Variants in LAMP1 observed in about 807,000 individuals in gnomAD.
LAMP1 encodes lysosome-associated membrane glycoprotein 1.
Under a neutral mutation model 37.5 loss-of-function variants are expected in LAMP1, and 7 were observed. The observed-to-expected ratio is 0.19, with a 90% CI of 0.11 to 0.35. The LOEUF is 0.35. Among genes scored for constraint, LAMP1 ranks in the 10% least tolerant of loss-of-function variants. The pLI, the probability that LAMP1 is intolerant of heterozygous loss-of-function variation, is 1.00. For missense variants in LAMP1, 537 were observed against 552.8 expected (o/e 0.97, Z 0.29); for synonymous variants, 236 against 229.1 (o/e 1.03, Z -0.27).
chr13:113,310,984 C>A, intron 4 of LAMP1, 117 bp downstream of exon 4: 1 of 819,720 alleles, frequency 1.2e-6, no homozygotes, highest in Non-Finnish European at 1.9e-6. Context: ...AACGCGTGTG[C>A]ACACAGCCGG....
At chr13:113,306,194 A>C (rs549129509) in intron 1 of LAMP1, 1 of 235,818 alleles carries the variant, frequency 4.2e-6, no homozygotes, top group African/African-American at 2.3e-5. Flanking sequence ...CCCCGTCGCT[A>C]CTAAAAACAG....
At chr13:113,299,184 A>G (rs1332146386) in intron 1 of LAMP1, among the ~76,000 whole-genome samples, 4 of 152,204 alleles carry the variant, frequency 2.6e-5, no homozygotes, top group Non-Finnish European at 4.4e-5. Context: ...GAAAAAATCC[A>G]TAACTCCCTA....
Position 113,321,642 on chromosome 13 carries a change from C to T in LAMP1, c.1029C>T (p.His343=), listed in dbSNP as rs766211164. 5.6e-6 allele frequency: 9 copies of T among 1,614,212 alleles called. No homozygotes were observed. Among genetic ancestry groups the T allele is most frequent in the South Asian group, 2.2e-5 (2 of 91,084 alleles). ...GNSYKCNAEE[H]VRVTKAFSVN... Reference sequence around the variant, plus strand: ...CCTACAAGTGCAACGCGGAGGAGCACGTCCGTGTCACGAAGGCGTTTTCAG... The same window carrying T: ...CCTACAAGTGCAACGCGGAGGAGCATGTCCGTGTCACGAAGGCGTTTTCAG... The change falls in exon 8 of 9, where the codon CAC becomes CAT. Residue 343 remains histidine (H), a synonymous_variant. Transcript: ENST00000332556. The surrounding 1 kb of genome is among the most constrained non-coding windows in gnomAD (Gnocchi z 5.6).
At position 113,313,088 on chromosome 13, in the gene LAMP1, A is replaced by ACGGT. The variant is rs547940857; in HGVS notation, c.562+2222_562+2225dup. On this transcript the variant is annotated intron_variant, in intron 4 of 8. Transcript: ENST00000332556. ...GACTCCCTACTGGCTAGGCCTGGAC[A>ACGGT]CGGTTGCAGAACGTGTCTCCTCCCC... 2.6e-5 allele frequency among the ~76,000 whole-genome samples: 4 copies of ACGGT among 152,250 alleles called. No individual in the cohort carries two copies. In the East Asian group the frequency reaches 7.7e-4, roughly 29 times the overall value.
chr13:113,314,317 C>G (rs2042648447), intron 4 of LAMP1, among the ~76,000 whole-genome samples: 1 of 126,784 alleles, frequency 7.9e-6, no homozygotes, highest in Non-Finnish European at 1.6e-5. Flanking sequence ...GCGTGGCCTC[C>G]TGGAGGGAGC....
chr13:113,322,364 CCT>C lies in LAMP1; in HGVS notation c.1199_1200del (p.Leu400HisfsTer59). On this transcript the variant is annotated frameshift_variant, in exon 9 of 9. Transcript: ENST00000332556. LOFTEE classifies it high-confidence loss of function. ...CCCTGGCGGGGCTGGTCCTCATCGTCCTCATCGCCTACCTCGTCGGCAGGAAG... is the reference window on the plus strand; with the variant it reads ...CCCTGGCGGGGCTGGTCCTCATCGTCCATCGCCTACCTCGTCGGCAGGAAG... The part of the protein sequence containing the change: ...GALAGLVLIV[L>X]IAYLVGRKRS... 6.2e-7 allele frequency: 1 copy of C among 1,613,784 alleles called. No individual in the cohort carries two copies. The highest frequency in any genetic ancestry group is 8.5e-7 in the Non-Finnish European group (1 of 1,179,880).
chr13:113,306,784 T>C (rs1438256293), intron 2 of LAMP1, among the ~76,000 whole-genome samples, 178 bp downstream of exon 2: 2 of 148,220 alleles, frequency 1.3e-5, no homozygotes, highest in African/African-American at 4.9e-5. Context: ...ACAGGCACAG[T>C]AACAAACCTG....
chr13:113,322,367 C>CA lies in LAMP1; in HGVS notation c.1201dup (p.Ile401AsnfsTer59). 6.2e-7 allele frequency: 1 copy of CA among 1,613,804 alleles called. No homozygotes were observed. The highest frequency in any genetic ancestry group is 8.5e-7 in the Non-Finnish European group (1 of 1,179,866). ...TGGCGGGGCTGGTCCTCATCGTCCT[C>CA]ATCGCCTACCTCGTCGGCAGGAAGA... is the stretch of plus-strand genomic sequence containing the variant. On this transcript the variant is annotated frameshift_variant, in exon 9 of 9. Coordinates refer to ENST00000332556, the MANE Select transcript of LAMP1 (RefSeq NM_005561.4). LOFTEE classifies it high-confidence loss of function.
At chr13:113,312,084 G>C (rs1304010708) in intron 4 of LAMP1, among the ~76,000 whole-genome samples, 3 of 152,176 alleles carry the variant, frequency 2.0e-5, no homozygotes, top group African/African-American at 7.2e-5. Context: ...ACATTCCTCA[G>C]CAGTCTTGCT....
chr13:113,297,378 C>A lies in LAMP1; in HGVS notation c.-57C>A. 2.5e-6 allele frequency: 1 copy of A among 402,648 alleles called. No homozygotes were observed. The highest frequency in any genetic ancestry group is 3.8e-6 in the Non-Finnish European group (1 of 264,282). 24.9% of individuals were successfully genotyped at this position (402,648 alleles called of 1,614,324 possible). A position where few individuals can be genotyped will look rare whatever the true frequency, so the allele number is the denominator to read the frequency against. The stretch of plus-strand genomic sequence containing the variant: ...CGCCACCGCAGCGCCCGGCAGTCCG[C>A]GGCCCAACCGCCGCCCGCGCCCCCG... On this transcript the variant is annotated 5_prime_UTR_variant, in exon 1 of 9. Coordinates refer to ENST00000332556, the MANE Select transcript of LAMP1 (RefSeq NM_005561.4). This position sits in a 1 kb window ranked among gnomAD's most constrained non-coding sequence, Gnocchi z 4.4.
At position 113,297,293 on chromosome 13, in the gene LAMP1, C is replaced by T. The variant is rs186336451; in HGVS notation, c.-142C>T. The stretch of plus-strand genomic sequence containing the variant: ...TTCTTCGTGCCGGCGTCGCAGTGGC[C>T]GGGCCTCTTGCGTCTGGTAACGCCG... On this transcript the variant is annotated 5_prime_UTR_variant, in exon 1 of 9. Transcript: ENST00000332556. The surrounding 1 kb of genome is among the most constrained non-coding windows in gnomAD (Gnocchi z 4.4). 58 of 176,116 alleles carry T rather than the reference C, an allele frequency of 3.3e-4. No individual in the cohort carries two copies. The East Asian group carries it at 9.6e-3, about 29-fold the overall frequency. 10.9% of individuals were successfully genotyped at this position (176,116 alleles called of 1,614,324 possible).
chr13:113,306,607 G>A lies in LAMP1; in HGVS notation c.183+1G>A, dbSNP rs1229131565. ...CTACGACACCAAGAGTGGCCCTAAGGTAGGAAACACCAGGGCACTTCATGC... is the reference window on the plus strand; with the variant it reads ...CTACGACACCAAGAGTGGCCCTAAGATAGGAAACACCAGGGCACTTCATGC... On this transcript the variant is annotated splice_donor_variant, in intron 2 of 8. Transcript: ENST00000332556. LOFTEE classifies it high-confidence loss of function. The A allele has an allele frequency of 1.9e-6, 3 of 1,612,868 alleles. No individual in the cohort carries two copies. In the African/African-American group the frequency reaches 4.0e-5, roughly 22 times the overall value.
intron 1 of LAMP1, among the ~76,000 whole-genome samples, chr13:113,302,382 G>A (rs1416154188): frequency 3.3e-5 from 5 of 150,676 alleles, no homozygotes; most frequent in Non-Finnish European, 7.4e-5. Flanking sequence ...TAGAGACGGG[G>A]TTTCACCATG....
intron 1 of LAMP1, 69 bp from the exon 2 acceptor site, chr13:113,306,416 A>T: frequency 6.5e-7 from 1 of 1,541,318 alleles, no homozygotes; most frequent in Non-Finnish European, 8.8e-7. Flanking sequence ...ACAGCTGTGG[A>T]AAATGGAAAT....
chr13:113,307,268 C>T lies in LAMP1; in HGVS notation c.183+662C>T, dbSNP rs370524520. On this transcript the variant is annotated intron_variant, in intron 2 of 8. Transcript: ENST00000332556. ...CGTCTCCTGGGTTCAAGCAGTTCTC[C>T]TGCCTTAGCCTCCTGAGTAGCTGGG... 1.8e-4 allele frequency among the ~76,000 whole-genome samples: 28 copies of T among 151,920 alleles called. No homozygotes were observed. In the East Asian group the frequency reaches 4.7e-3, roughly 25 times the overall value.
chr13:113,306,704 A>G (rs1038401648), intron 2 of LAMP1, 98 bp downstream of exon 2: 2 of 1,364,374 alleles, frequency 1.5e-6, no homozygotes, highest in African/African-American at 1.6e-5. Flanking sequence ...CCATCTGAAC[A>G]TGGTGCTTTT....
intron 2 of LAMP1, 26 bp from the exon 3 acceptor site, chr13:113,309,617 G>A (rs754430833): frequency 1.1e-5 from 17 of 1,560,056 alleles, no homozygotes; most frequent in East Asian, 4.5e-5. Context: ...TCCCAATTGG[G>A]TTACATTTAA....
In LAMP1 at chr13:113,297,543, C is replaced by G; in HGVS notation, c.61+48C>G. On this transcript the variant is annotated intron_variant, in intron 1 of 8. Coordinates refer to ENST00000332556, the MANE Select transcript of LAMP1 (RefSeq NM_005561.4). This position sits in a 1 kb window ranked among gnomAD's most constrained non-coding sequence, Gnocchi z 4.4. The stretch of plus-strand genomic sequence containing the variant: ...TGGGAGCGGCGGGACCGGGCGGAGC[C>G]GAGGTCCCTGGGTCTTGAGGGCGGG... 8.2e-7 allele frequency: 1 copy of G among 1,223,272 alleles called. No homozygotes were observed. Among genetic ancestry groups the G allele is most frequent in the Non-Finnish European group, 1.0e-6 (1 of 980,604 alleles). 75.8% of individuals were successfully genotyped at this position (1,223,272 alleles called of 1,614,324 possible). A position where few individuals can be genotyped will look rare whatever the true frequency, so the allele number is the denominator to read the frequency against.
chr13:113,318,292 C>T (rs1364792853), intron 4 of LAMP1, among the ~76,000 whole-genome samples: 1 of 152,168 alleles, frequency 6.6e-6, no homozygotes, highest in Non-Finnish European at 1.5e-5. Context: ...TGGGAATTGG[C>T]CACTGAATGT....
Sources: gnomAD v4.1 joint callset for allele counts (sites outside exome capture counted in the v4.1 genomes callset) on GRCh38, gnomAD v4.1.1 for gene constraint, Gnocchi (gnomAD v3.1) non-coding constraint, MANE v1.5 for transcripts, NCBI Gene and HGNC (gene_info 2026-07-23, HGNC 2026-07-21) for gene names.